FBXL22: variants seen among roughly 807,000 people sequenced by gnomAD.
The protein encoded by FBXL22 is F-box and leucine-rich protein 22.
In FBXL22, 13 loss-of-function variants were observed where a neutral mutation model predicts 11.7. The ratio of observed to expected loss-of-function variants is 1.11; its 90% CI spans 0.73 to 1.77. FBXL22 has a LOEUF of 1.77. Ranked by LOEUF, FBXL22 falls within the 40% of genes most tolerant of loss-of-function variation. FBXL22 has a pLI of 0.00. For missense variants in FBXL22, 406 were observed against 320.4 expected (o/e 1.27, Z -2.04); for synonymous variants, 160 against 144.1 (o/e 1.11, Z -0.79).
downstream of FBXL22, among the ~76,000 whole-genome samples, chr15:63,603,076 TTTAA>T (rs1374764842): frequency 2.6e-5 from 4 of 152,210 alleles, no homozygotes; most frequent in Admixed American, 2.6e-4. Context: ...TATGCTACTA[TTTAA>T]TTGTGTGATG....
At chr15:63,606,882 A>G (rs1008440687), downstream of FBXL22, among the ~76,000 whole-genome samples, 3 of 152,134 alleles carry the variant, frequency 2.0e-5, no homozygotes, top group Non-Finnish European at 4.4e-5. Flanking sequence ...CCCCGAGTCC[A>G]GAGCAAACTG....
rs1488362147 is a variant in FBXL22, at chr15:63,597,780, C to G, written c.353+35C>G. On this transcript the variant is annotated intron_variant, in intron 1 of 1. Transcript: ENST00000638704. This position sits in a 1 kb window ranked among gnomAD's most constrained non-coding sequence, Gnocchi z 4.3. The stretch of plus-strand genomic sequence containing the variant: ...CTTGCCTCCTGAGCAGTGCTGGCCC[C>G]GCTAGCTCTGGCTTCCCTCTTGGGG... The G allele has an allele frequency of 4.6e-6, 7 of 1,520,452 alleles. No homozygotes were observed. Among genetic ancestry groups the G allele is most frequent in the Non-Finnish European group, 6.2e-6 (7 of 1,129,332 alleles). The allele number at this position is 1,520,452 out of a possible 1,614,324, so 94.2% of individuals were successfully genotyped here.
downstream of FBXL22, among the ~76,000 whole-genome samples, chr15:63,606,983 G>A (rs1359468044): frequency 6.6e-6 from 1 of 151,980 alleles, no homozygotes; most frequent in Non-Finnish European, 1.5e-5. Flanking sequence ...CTCAGCAAGA[G>A]GGACGCAGGA....
chr15:63,597,726 C>T lies in FBXL22; in HGVS notation c.334C>T (p.Leu112Phe). 1 of 1,587,188 alleles carries T rather than the reference C, an allele frequency of 6.3e-7. No individual in the cohort carries two copies. The highest frequency in any genetic ancestry group is 2.3e-5 in the East Asian group (1 of 44,360). The change falls in exon 1 of 2, where the codon CTC becomes TTC. Residue 112 changes from leucine (L) to phenylalanine (F), a missense_variant. Coordinates refer to ENST00000638704, the MANE Select transcript of FBXL22 (RefSeq NM_001367807.1). The surrounding 1 kb of genome is among the most constrained non-coding windows in gnomAD (Gnocchi z 4.3). Reference protein sequence around the residue: ...SRHESLVNDFLLRVCDRCPNL... With the variant: ...SRHESLVNDFFLRVCDRCPNL... Reference sequence around the variant, plus strand: ...GCACGAGAGCCTGGTCAATGATTTCCTCCTCCGGGTGTGCGACAGGTAGGC... The same window carrying T: ...GCACGAGAGCCTGGTCAATGATTTCTTCCTCCGGGTGTGCGACAGGTAGGC...
At chr15:63,598,477 T>C (rs150007598) in intron 1 of FBXL22, among the ~76,000 whole-genome samples, 1,772 of 152,278 alleles carry the variant, frequency 0.012, 19 homozygotes, top group Middle Eastern at 0.02. Flanking sequence ...ACATAGACAC[T>C]GAACCACCAG....
chr15:63,597,573 CAGA>C lies in FBXL22; in HGVS notation c.184_186del (p.Lys62del), dbSNP rs746249788. ...GCACTTCCGTTCCCTCACTGAACTCCAGAAGGACAACTTCCTCCTGGGCCCGGC... is the reference window on the plus strand; with the variant it reads ...GCACTTCCGTTCCCTCACTGAACTCCAGGACAACTTCCTCCTGGGCCCGGC... On this transcript the variant is annotated inframe_deletion, in exon 1 of 2. Coordinates refer to ENST00000638704, the MANE Select transcript of FBXL22 (RefSeq NM_001367807.1). This position sits in a 1 kb window ranked among gnomAD's most constrained non-coding sequence, Gnocchi z 4.3. 5 of 1,614,054 alleles carry C rather than the reference CAGA, an allele frequency of 3.1e-6. No individual in the cohort carries two copies. Among genetic ancestry groups the C allele is most frequent in the East Asian group, 2.2e-5 (1 of 44,908 alleles).
downstream of FBXL22, among the ~76,000 whole-genome samples, chr15:63,605,575 A>C (rs565237184): frequency 6.6e-6 from 1 of 152,238 alleles, no homozygotes; most frequent in African/African-American, 2.4e-5. Flanking sequence ...GGCATGGCAC[A>C]GCAAAGGCAA....
chr15:63,597,781 G>C lies in FBXL22; in HGVS notation c.353+36G>C. On this transcript the variant is annotated intron_variant, in intron 1 of 1. Transcript: ENST00000638704. This position sits in a 1 kb window ranked among gnomAD's most constrained non-coding sequence, Gnocchi z 4.3. Reference sequence around the variant, plus strand: ...TTGCCTCCTGAGCAGTGCTGGCCCCGCTAGCTCTGGCTTCCCTCTTGGGGG... The same window carrying C: ...TTGCCTCCTGAGCAGTGCTGGCCCCCCTAGCTCTGGCTTCCCTCTTGGGGG... The C allele has an allele frequency of 6.6e-7, 1 of 1,516,656 alleles. No individual in the cohort carries two copies. The highest frequency in any genetic ancestry group is 2.3e-5 in the East Asian group (1 of 43,648). 93.9% of individuals were successfully genotyped at this position (1,516,656 alleles called of 1,614,324 possible). A position where few individuals can be genotyped will look rare whatever the true frequency, so the allele number is the denominator to read the frequency against.
chr15:63,601,532 C>T (rs1242186708), downstream of FBXL22: 1 of 1,556,832 alleles, frequency 6.4e-7, no homozygotes, highest in Admixed American at 1.9e-5. Flanking sequence ...GGACCGCCAC[C>T]TCCAGGAGCC....
downstream of FBXL22, chr15:63,602,043 G>T: frequency 3.9e-6 from 1 of 254,082 alleles, no homozygotes. Context: ...CTGGGTGGGT[G>T]GAAGAGGCGA....
chr15:63,599,705 G>T (rs1300571972), intron 1 of FBXL22: 1 of 987,000 alleles, frequency 1.0e-6, no homozygotes, highest in African/African-American at 1.7e-5. Context: ...GGGGAGGCTG[G>T]CAGGGAAAGG....
At chr15:63,604,168 A>C (rs2067401827), downstream of FBXL22, among the ~76,000 whole-genome samples, 1 of 152,170 alleles carries the variant, frequency 6.6e-6, no homozygotes, top group East Asian at 1.9e-4. Flanking sequence ...TCTGTGACCA[A>C]GGACAGATTG....
chr15:63,600,721 G>T lies in FBXL22; in HGVS notation c.378G>T (p.Thr126=), dbSNP rs2152688698. 1.6e-6 allele frequency: 2 copies of T among 1,231,484 alleles called. No individual in the cohort carries two copies. Among genetic ancestry groups the T allele is most frequent in the Non-Finnish European group, 2.0e-6 (2 of 987,786 alleles). 76.3% of individuals were successfully genotyped at this position (1,231,484 alleles called of 1,614,324 possible). A position where few individuals can be genotyped will look rare whatever the true frequency, so the allele number is the denominator to read the frequency against. ...GGTGCCCCAACCTGGCGTCCGTCAC[G>T]CTCTCGGGCTGCGGCCACGTTACCG... The part of the protein sequence containing the change: ...CDRCPNLASV[T]LSGCGHVTDD... Residue 126 remains threonine (T), a synonymous_variant, in exon 2 of 2, where the codon ACG becomes ACT. Transcript: ENST00000638704.
Position 63,601,026 on chromosome 15 carries a change from T to TGCTGCAGCGCTAGAC in FBXL22, c.686_*4dup. On this transcript the variant is annotated stop_gained and inframe_insertion, in exon 2 of 2. Transcript: ENST00000638704. LOFTEE classifies it high-confidence loss of function. ...GCGCCCGCCGCGGCCCTCGGCAAGC[T>TGCTGCAGCGCTAGAC]GCTGCAGCGCTAGACGCCGCCCCGC... is the stretch of plus-strand genomic sequence containing the variant. 2.5e-6 allele frequency: 3 copies of TGCTGCAGCGCTAGAC among 1,214,394 alleles called. No individual in the cohort carries two copies. The South Asian group carries it at 1.2e-4, about 50-fold the overall frequency. The allele number at this position is 1,214,394 out of a possible 1,614,324, so 75.2% of individuals were successfully genotyped here. A position where few individuals can be genotyped will look rare whatever the true frequency, so the allele number is the denominator to read the frequency against.
chr15:63,599,494 T>C (rs986935483), intron 1 of FBXL22: 1 of 1,189,024 alleles, frequency 8.4e-7, no homozygotes, highest in Admixed American at 4.2e-5. Flanking sequence ...GCCAGTCACC[T>C]GAGCTGCCGG....
chr15:63,598,981 G>C (rs2067319966), intron 1 of FBXL22, among the ~76,000 whole-genome samples: 1 of 152,204 alleles, frequency 6.6e-6, no homozygotes, highest in Non-Finnish European at 1.5e-5. Context: ...CCAGGCCACT[G>C]TACTGATCAA....
rs571432318 is a variant in FBXL22, at chr15:63,597,853, C to A, written c.353+108C>A. ...GACCAAGATGGCTCCACCTTCGGGG[C>A]GCCTCAAACTAGGCCCAAGGCAGAC... On this transcript the variant is annotated intron_variant, in intron 1 of 1. Transcript: ENST00000638704. This position sits in a 1 kb window ranked among gnomAD's most constrained non-coding sequence, Gnocchi z 4.3. The A allele has an allele frequency of 1.8e-6, 2 of 1,085,510 alleles. No homozygotes were observed. The highest frequency in any genetic ancestry group is 2.6e-5 in the East Asian group (1 of 38,504). 67.2% of individuals were successfully genotyped at this position (1,085,510 alleles called of 1,614,324 possible).
At chr15:63,601,444 G>T, downstream of FBXL22, 1 of 1,575,334 alleles carries the variant, frequency 6.3e-7, no homozygotes. Flanking sequence ...GGGGGCCAGG[G>T]CTGCCGCGCG....
chr15:63,601,538 G>C (rs1230514025), downstream of FBXL22: 9 of 1,557,838 alleles, frequency 5.8e-6, no homozygotes, highest in South Asian at 1.1e-4. Flanking sequence ...CCACCTCCAG[G>C]AGCCCCGGTG....
Sources: gnomAD v4.1 joint callset for allele counts (sites outside exome capture counted in the v4.1 genomes callset) on GRCh38, gnomAD v4.1.1 for gene constraint, Gnocchi (gnomAD v3.1) non-coding constraint, MANE v1.5 for transcripts, NCBI Gene and HGNC (gene_info 2026-07-23, HGNC 2026-07-21) for gene names.